PJA2: variants seen among roughly 807,000 people sequenced by gnomAD.
PJA2 encodes E3 ubiquitin-protein ligase Praja-2.
Under a neutral mutation model 69.3 loss-of-function variants are expected in PJA2, and 25 were observed. The ratio of observed to expected loss-of-function variants is 0.36; its 90% CI spans 0.26 to 0.50. The LOEUF (loss-of-function observed/expected upper bound fraction) is 0.50, where lower values mean the gene tolerates loss of function less well. PJA2 is among the 20% of genes least tolerant of loss of function. The probability of loss-of-function intolerance (pLI) is 0.96; values close to 1 mark genes in which losing one functional copy is unlikely to be tolerated. For synonymous variants in PJA2, 308 were observed against 277.8 expected, an observed-to-expected ratio of 1.11 and a Z score of -1.08; for missense variants, 809 against 830.2, an observed-to-expected ratio of 0.97 and a Z score of 0.31.
At chr5:109,353,604 C>CATCTATATATTAGATATCTATAAT (rs1762322910) in intron 7 of PJA2, among the ~76,000 whole-genome samples, 1 of 137,960 alleles carries the variant, frequency 7.2e-6, no homozygotes, top group African/African-American at 2.6e-5. Flanking sequence ...TCTATAATAT[C>CATCTATATATTAGATATCTATAAT]ATAGACATCT....
At chr5:109,354,390 CTGATATCTA>C (rs1561346220) in intron 7 of PJA2, among the ~76,000 whole-genome samples, 9 of 74,872 alleles carry the variant, frequency 1.2e-4, no homozygotes, top group Admixed American at 4.0e-4. Flanking sequence ...TTAGATATCT[CTGATATCTA>C]GAGATATCTA....
chr5:109,348,327 A>G (rs1762199588), intron 7 of PJA2, among the ~76,000 whole-genome samples: 1 of 152,194 alleles, frequency 6.6e-6, no homozygotes, highest in Non-Finnish European at 1.5e-5. Flanking sequence ...ACAGCCCTAA[A>G]AGATGCTCTT....
chr5:109,378,188 C>T lies in PJA2; in HGVS notation c.1283+16G>A. ...ATTTACTACACAATCGGAAAAAGTA[C>T]TGGATGTGACCTTACCTATCTTCAT... is the stretch of plus-strand genomic sequence containing the variant. On this transcript the variant is annotated intron_variant, in intron 4 of 9. Coordinates refer to ENST00000361189, the MANE Select transcript of PJA2 (RefSeq NM_014819.5). 1 of 1,573,266 alleles carries T rather than the reference C, an allele frequency of 6.4e-7. No individual in the cohort carries two copies. Among genetic ancestry groups the T allele is most frequent in the Non-Finnish European group, 8.7e-7 (1 of 1,155,072 alleles).
At chr5:109,362,415 T>C (rs921555927) in intron 6 of PJA2, among the ~76,000 whole-genome samples, 9 of 151,996 alleles carry the variant, frequency 5.9e-5, no homozygotes, top group Middle Eastern at 3.4e-3. Context: ...ATATTTTACA[T>C]AGAGAAGGAA....
chr5:109,354,160 A>G (rs62643550), intron 7 of PJA2, among the ~76,000 whole-genome samples: 1,112 of 97,908 alleles, frequency 0.011, 151 homozygotes, highest in Non-Finnish European at 0.017. Context: ...TATCTATGAT[A>G]TCTAGAGATG....
chr5:109,378,721 T>C lies in PJA2; in HGVS notation c.766A>G (p.Ile256Val), dbSNP rs1306726084. 6.2e-7 allele frequency: 1 copy of C among 1,613,082 alleles called. No homozygotes were observed. The highest frequency in any genetic ancestry group is 8.5e-7 in the Non-Finnish European group (1 of 1,180,030). ...ATTTCATCTTGAGAAGACCTCTGAA[T>C]TTCCTGGCTATTCTGATGGACAAAC... ...TEFVHQNSQE[I>V]QRSSQDEMVS... is the part of the protein sequence containing the mutation. Residue 256 changes from isoleucine to valine, a missense_variant, in exon 4 of 10, where the codon ATT becomes GTT. Ile to Val is a conservative substitution (Grantham distance 29). Coordinates refer to ENST00000361189, the MANE Select transcript of PJA2 (RefSeq NM_014819.5).
Position 109,378,446 on chromosome 5 carries a change from T to A in PJA2, c.1041A>T (p.Arg347Ser), listed in dbSNP as rs1211106665. The stretch of plus-strand genomic sequence containing the variant: ...CACTTTCCTCAACTTCCAAAGCCTC[T>A]CTCCATCTTTGAACACTTCTTTGTT... Reference protein sequence around the residue: ...EAKQRSVQRWREALEVEESGS... With the variant: ...EAKQRSVQRWSEALEVEESGS... The change falls in exon 4 of 10, where the codon AGA becomes AGT. Residue 347 changes from arginine (R) to serine (S), a missense_variant. By Grantham distance (110) the Arg-to-Ser change is moderately radical. Around this residue, in one of 4 missense-constraint regions of PJA2, gnomAD observed 700 missense variants for 639.5 expected, o/e 1.09. Coordinates refer to ENST00000361189, the MANE Select transcript of PJA2 (RefSeq NM_014819.5). 6.2e-7 allele frequency: 1 copy of A among 1,614,178 alleles called. No homozygotes were observed. Among genetic ancestry groups the A allele is most frequent in the South Asian group, 1.1e-5 (1 of 91,084 alleles).
chr5:109,344,961 C>A, intron 7 of PJA2, 142 bp from the exon 8 acceptor site: 1 of 524,010 alleles, frequency 1.9e-6, no homozygotes, highest in Non-Finnish European at 3.4e-6. Context: ...CTCCTTTTGC[C>A]TCTTCAGAAG....
At chr5:109,386,106 G>C (rs1221426806) in intron 1 of PJA2, among the ~76,000 whole-genome samples, 1 of 151,154 alleles carries the variant, frequency 6.6e-6, no homozygotes, top group East Asian at 1.9e-4. Context: ...CCTGAGGTCA[G>C]TGAGACTCTG....
rs769833080 is a variant in PJA2 at position 109,339,758 on chromosome 5, TTTAC to T, written c.2002-2406_2002-2403del. On this transcript the variant is annotated intron_variant, in intron 9 of 9. Transcript: ENST00000361189. Reference sequence around the variant, plus strand: ...AGTTTACCATTACTTTTCCTATATGTTTACTATGTGCCAAACACTATATTAAATT... The same window carrying T: ...AGTTTACCATTACTTTTCCTATATGTTATGTGCCAAACACTATATTAAATT... Among the ~76,000 whole-genome samples the T allele has an allele frequency of 6.5e-4, 99 of 152,220 alleles. 2 individuals carry two copies. Among genetic ancestry groups the T allele is most frequent in the Non-Finnish European group, 1.3e-4 (9 of 68,030 alleles).
At chr5:109,396,950 ATGTT>A (rs1281218302) in intron 1 of PJA2, among the ~76,000 whole-genome samples, 1 of 152,198 alleles carries the variant, frequency 6.6e-6, no homozygotes, top group East Asian at 1.9e-4. Flanking sequence ...TATGGTTTGA[ATGTT>A]TGTGCCATCT....
chr5:109,377,582 A>G (rs898578941), intron 4 of PJA2, among the ~76,000 whole-genome samples: 2 of 152,198 alleles, frequency 1.3e-5, no homozygotes, highest in African/African-American at 4.8e-5. Context: ...TTAGGTACTC[A>G]AAGTCCAGCT....
chr5:109,356,057 T>G (rs1418815875), intron 6 of PJA2, 31 bp from the exon 7 acceptor site: 1 of 1,439,878 alleles, frequency 6.9e-7, no homozygotes, highest in African/African-American at 1.4e-5. Flanking sequence ...CAGAAAAAAC[T>G]CACCACTATG....
rs553084618 is a variant in PJA2 at position 109,344,911 on chromosome 5, T to A, written c.1765-92A>T. ...GGGTATCTCCAAAATTATATCACCATTATTCTCTTTTTGTTAGTTTCTTTT... is the reference window on the plus strand; with the variant it reads ...GGGTATCTCCAAAATTATATCACCAATATTCTCTTTTTGTTAGTTTCTTTT... On this transcript the variant is annotated intron_variant, in intron 7 of 9. Transcript: ENST00000361189. 26 of 748,942 alleles carry A rather than the reference T, an allele frequency of 3.5e-5. No individual in the cohort carries two copies. The South Asian group carries it at 5.4e-4, about 15-fold the overall frequency. The allele number at this position is 748,942 out of a possible 1,614,324, so 46.4% of individuals were successfully genotyped here.
chr5:109,362,596 T>A (rs569947683), intron 6 of PJA2, among the ~76,000 whole-genome samples: 1 of 152,068 alleles, frequency 6.6e-6, no homozygotes, highest in Non-Finnish European at 1.5e-5. Flanking sequence ...AAAAAAAGTA[T>A]GTAAGTAACT....
intron 7 of PJA2, among the ~76,000 whole-genome samples, chr5:109,347,360 G>T (rs774426042): frequency 3.3e-5 from 5 of 152,232 alleles, no homozygotes; most frequent in Non-Finnish European, 7.3e-5. Flanking sequence ...TTGCTTCATG[G>T]TTCCCTTGGG....
At chr5:109,380,804 C>CAAAAAA (rs34675958) in intron 3 of PJA2, among the ~76,000 whole-genome samples, 2,534 of 88,570 alleles carry the variant, frequency 0.029, 76 homozygotes, top group Non-Finnish European at 0.04. Context: ...GATTCCATCT[C>CAAAAAA]AAAAAAAAAA....
Position 109,363,001 on chromosome 5 carries a change from C to G in PJA2, c.1491G>C (p.Glu497Asp). 6.2e-7 allele frequency: 1 copy of G among 1,601,472 alleles called. No individual in the cohort carries two copies. The highest frequency in any genetic ancestry group is 1.1e-5 in the South Asian group (1 of 89,584). The change falls in exon 6 of 10, where the codon GAG becomes GAC. Residue 497 changes from glutamate to aspartate, a missense_variant. Physicochemically the swap from Glu to Asp is conservative, Grantham distance 45 (BLOSUM62 2). Around this residue, in one of 4 missense-constraint regions of PJA2, gnomAD observed 700 missense variants for 639.5 expected, o/e 1.09. Transcript: ENST00000361189. The part of the protein sequence containing the change: ...LQEGEQTSLE[E>D]GEIPWLQYNE... The stretch of plus-strand genomic sequence containing the variant: ...TGTACTGTAACCAAGGAATTTCTCC[C>G]TCTTCCAAGGATGTCTGTTCCCTAG...
At chr5:109,364,689 T>C (rs1336601731) in intron 5 of PJA2, among the ~76,000 whole-genome samples, 2 of 142,512 alleles carry the variant, frequency 1.4e-5, no homozygotes, top group Non-Finnish European at 3.2e-5. Context: ...GTCACAAAAT[T>C]TGGACACAAA....
Sources: allele counts gnomAD v4.1 joint callset (sites outside exome capture counted in the v4.1 genomes callset), GRCh38; gene constraint gnomAD v4.1.1; regional missense constraint gnomAD v4.1.1; transcripts MANE v1.5; gene names NCBI Gene and HGNC (gene_info 2026-07-23, HGNC 2026-07-21).